SH3TC1: variants seen among roughly 807,000 people sequenced by gnomAD.
SH3TC1 encodes SH3 domain and tetratricopeptide repeat-containing protein 1.
In SH3TC1, 135 loss-of-function variants were observed where a neutral mutation model predicts 117.3. The observed-to-expected ratio is 1.15, with a 90% CI of 1.00 to 1.33. The LOEUF (loss-of-function observed/expected upper bound fraction) is 1.33, where lower values mean the gene tolerates loss of function less well. Among genes scored for constraint, SH3TC1 ranks in the 40% most tolerant of loss-of-function variants. The pLI is 0.00. For missense variants in SH3TC1, 2,092 were observed against 1,794.3 expected, an observed-to-expected ratio of 1.17 and a Z score of -3.00; for synonymous variants, 898 against 816.9, an observed-to-expected ratio of 1.10 and a Z score of -1.69.
At position 8,214,385 on chromosome 4, in the gene SH3TC1, C is replaced by G. The variant is rs900800515; in HGVS notation, c.376-90C>G. 4.0e-5 allele frequency: 50 copies of G among 1,234,972 alleles called. No homozygotes were observed. In the East Asian group the frequency reaches 1.2e-3, roughly 29 times the overall value. 76.5% of individuals were successfully genotyped at this position (1,234,972 alleles called of 1,614,324 possible). ...TCGTCCCCCGCCGGGGCCACATCTG[C>G]AAGATGTCTCTGTCATGTGGACGCT... On this transcript the variant is annotated intron_variant, in intron 4 of 17. Coordinates refer to ENST00000245105, the MANE Select transcript of SH3TC1 (RefSeq NM_018986.5).
In SH3TC1 at chr4:8,235,465, C is replaced by T; in HGVS notation, c.3315C>T (p.Asp1105=). 1 of 1,597,936 alleles carries T rather than the reference C, an allele frequency of 6.3e-7. No homozygotes were observed. The highest frequency in any genetic ancestry group is 8.5e-7 in the Non-Finnish European group (1 of 1,170,766). ...AGAACGTGGCCCTGTACACAGGCGACCCCAACCTGGGGCTGGAGCTGTTTG... is the reference window on the plus strand; with the variant it reads ...AGAACGTGGCCCTGTACACAGGCGATCCCAACCTGGGGCTGGAGCTGTTTG... ...VAQNVALYTG[D]PNLGLELFEA... is the part of the protein sequence containing the mutation. The change falls in exon 15 of 18, where the codon GAC becomes GAT. Residue 1105 remains aspartate (D), a synonymous_variant. Coordinates refer to ENST00000245105, the MANE Select transcript of SH3TC1 (RefSeq NM_018986.5).
In SH3TC1 at chr4:8,227,651, C is replaced by A. The variant is rs139890356; in HGVS notation, c.1957C>A (p.Arg653=). ...AEGELLQLAL[R]RAVGGQSLQA... is the part of the protein sequence containing the mutation. ...GGGGGAGCTCCTGCAGCTGGCGCTG[C>A]GGCGGGCGGTGGGTGGCCAGAGCCT... The change falls in exon 12 of 18, where the codon CGG becomes AGG. Residue 653 remains arginine, a synonymous_variant. Transcript: ENST00000245105. 202 of 1,527,094 alleles carry A rather than the reference C, an allele frequency of 1.3e-4. 1 individual carries two copies. The highest frequency in any genetic ancestry group is 1.6e-4 in the Non-Finnish European group (181 of 1,139,810). 94.6% of individuals were successfully genotyped at this position (1,527,094 alleles called of 1,614,324 possible). A position where few individuals can be genotyped will look rare whatever the true frequency, so the allele number is the denominator to read the frequency against.
chr4:8,198,661 G>C (rs946303367), upstream of SH3TC1, among the ~76,000 whole-genome samples: 2 of 152,224 alleles, frequency 1.3e-5, no homozygotes, highest in Non-Finnish European at 2.9e-5. Flanking sequence ...GGAGGGTAAA[G>C]AGGTAGACCC....
Position 8,205,922 on chromosome 4 carries a change from G to A in SH3TC1, c.172+556G>A. 3 of 513,776 alleles carry A rather than the reference G, an allele frequency of 5.8e-6. No individual in the cohort carries two copies. The Admixed American group carries it at 1.0e-4, about 17-fold the overall frequency. 31.8% of individuals were successfully genotyped at this position (513,776 alleles called of 1,614,324 possible). The stretch of plus-strand genomic sequence containing the variant: ...GAAGGGGACGAGGGGAGAGGCAGGG[G>A]AGACCAAGGCCTGCACGGCCCCTCC... On this transcript the variant is annotated intron_variant, in intron 2 of 17. Transcript: ENST00000245105. The surrounding 1 kb of genome is among the most constrained non-coding windows in gnomAD (Gnocchi z 5.4).
At chr4:8,208,594 C>T (rs907927740) in intron 2 of SH3TC1, among the ~76,000 whole-genome samples, 1 of 152,100 alleles carries the variant, frequency 6.6e-6, no homozygotes, top group Admixed American at 6.5e-5. Context: ...CTCAGGTGAT[C>T]CACCTGTCTG....
At chr4:8,185,475 C>T (rs1183824253) in intron 1 of SH3TC1, among the ~76,000 whole-genome samples, 2 of 152,014 alleles carry the variant, frequency 1.3e-5, no homozygotes, top group African/African-American at 2.4e-5. Context: ...TGTGGCTCAC[C>T]GACTCAGCTC....
chr4:8,226,033 T>C (rs1357751994), intron 11 of SH3TC1, among the ~76,000 whole-genome samples: 2 of 152,134 alleles, frequency 1.3e-5, no homozygotes, highest in Non-Finnish European at 2.9e-5. Context: ...CAAGTCACAT[T>C]TGCCTCTAAA....
At chr4:8,195,414 G>A (rs1400093378), upstream of SH3TC1, among the ~76,000 whole-genome samples, 2 of 152,208 alleles carry the variant, frequency 1.3e-5, no homozygotes, top group African/African-American at 2.4e-5. Context: ...GCCTCCAGTT[G>A]GGCGTGCTTG....
At chr4:8,217,369 G>C (rs1336294399) in intron 7 of SH3TC1, among the ~76,000 whole-genome samples, 1 of 152,256 alleles carries the variant, frequency 6.6e-6, no homozygotes, top group Admixed American at 6.5e-5. Context: ...CCAGCTGCAT[G>C]ATAGGCCAAT....
At chr4:8,207,680 C>T (rs1260800846) in intron 2 of SH3TC1, among the ~76,000 whole-genome samples, 1 of 152,180 alleles carries the variant, frequency 6.6e-6, no homozygotes, top group Non-Finnish European at 1.5e-5. Context: ...TACATCATTA[C>T]CTATTTTGTC....
chr4:8,239,969 C>T (rs1282556691), intron 17 of SH3TC1, among the ~76,000 whole-genome samples: 1 of 152,234 alleles, frequency 6.6e-6, no homozygotes, highest in Admixed American at 6.5e-5. Context: ...AGGGCATGGG[C>T]TGCTGCATCT....
chr4:8,233,069 C>G, intron 13 of SH3TC1: 1 of 1,256,886 alleles, frequency 8.0e-7, no homozygotes, highest in South Asian at 1.7e-5. Flanking sequence ...GCTCCTGGTG[C>G]GTCTAGAGAA....
In SH3TC1 at chr4:8,205,460, C is replaced by A; in HGVS notation, c.172+94C>A. On this transcript the variant is annotated intron_variant, in intron 2 of 17. Transcript: ENST00000245105. This position sits in a 1 kb window ranked among gnomAD's most constrained non-coding sequence, Gnocchi z 5.4. ...ATCCATCCCTCACCACCCTGCCTGCCTCCAGGCCTCTTGGGGCTGGGGCTG... is the reference window on the plus strand; with the variant it reads ...ATCCATCCCTCACCACCCTGCCTGCATCCAGGCCTCTTGGGGCTGGGGCTG... 2 of 1,489,994 alleles carry A rather than the reference C, an allele frequency of 1.3e-6. No homozygotes were observed. The highest frequency in any genetic ancestry group is 1.2e-5 in the South Asian group (1 of 84,924). The allele number at this position is 1,489,994 out of a possible 1,614,324, so 92.3% of individuals were successfully genotyped here.
At chr4:8,185,896 C>G (rs906674513) in intron 1 of SH3TC1, among the ~76,000 whole-genome samples, 3 of 152,128 alleles carry the variant, frequency 2.0e-5, no homozygotes, top group Non-Finnish European at 2.9e-5. Context: ...TCAGATGGGC[C>G]CCACTGGCAC....
chr4:8,198,407 C>T (rs567844724), upstream of SH3TC1, among the ~76,000 whole-genome samples: 69 of 152,336 alleles, frequency 4.5e-4, no homozygotes, highest in African/African-American at 1.5e-3. Flanking sequence ...AGAGCTGGGC[C>T]GGAGCCCGCA....
intron 8 of SH3TC1, among the ~76,000 whole-genome samples, chr4:8,218,703 T>C (rs1719580588): frequency 6.6e-6 from 1 of 152,222 alleles, no homozygotes; most frequent in Non-Finnish European, 1.5e-5. Flanking sequence ...GAGTCTAGCC[T>C]TCTGTCACCA....
rs146846516 is a variant in SH3TC1 at position 8,186,115 on chromosome 4, G to T, written c.-57+3905G>T. On this transcript the variant is annotated intron_variant, in intron 1 of 16. Coordinates refer to the SH3TC1 transcript ENST00000508641. The surrounding 1 kb of genome is among the most constrained non-coding windows in gnomAD (Gnocchi z 5.2). ...GGAGTTGTCGATTTTTTCCTCTGGTGCTTGAAGTGGAGGTCAGCTTCTCAA... is the reference window on the plus strand; with the variant it reads ...GGAGTTGTCGATTTTTTCCTCTGGTTCTTGAAGTGGAGGTCAGCTTCTCAA... Among the ~76,000 whole-genome samples the T allele has an allele frequency of 3.6e-4, 55 of 152,312 alleles. No homozygotes were observed. The highest frequency in any genetic ancestry group is 1.0e-3 in the South Asian group (5 of 4,828).
chr4:8,236,630 T>C, intron 16 of SH3TC1: 1 of 555,976 alleles, frequency 1.8e-6, no homozygotes. Context: ...CCTGCCTGGC[T>C]GAGCTCTGCT....
At chr4:8,195,018 C>T (rs1181479380), upstream of SH3TC1, among the ~76,000 whole-genome samples, 1 of 152,140 alleles carries the variant, frequency 6.6e-6, no homozygotes, top group African/African-American at 2.4e-5. Context: ...TGGCCCTGGG[C>T]AGGTCATGCC....
Sources: allele counts gnomAD v4.1 joint callset (sites outside exome capture counted in the v4.1 genomes callset), GRCh38; gene constraint gnomAD v4.1.1; non-coding constraint Gnocchi (gnomAD v3.1); transcripts MANE v1.5; gene names NCBI Gene and HGNC (gene_info 2026-07-23, HGNC 2026-07-21).